The following STAG2 variants were observed in gnomAD, a reference collection of about 807,000 sequenced individuals.
STAG2 encodes cohesin subunit SA-2.
In STAG2, 14 loss-of-function variants were observed where a neutral mutation model predicts 108.1. The observed-to-expected ratio is 0.13, with a 90% CI of 0.09 to 0.20. The LOEUF (loss-of-function observed/expected upper bound fraction) is 0.20. Among genes scored for constraint, STAG2 ranks in the 10% least tolerant of loss-of-function variants. The pLI is 1.00. For missense variants in STAG2, 440 were observed against 940.9 expected (o/e 0.47, Z 6.96); for synonymous variants, 307 against 302.7 (o/e 1.01, Z -0.15).
chrX:124,062,873 T>C, intron 17 of STAG2, 29 bp from the exon 18 acceptor site: 1 of 1,142,550 alleles, frequency 8.8e-7, no homozygotes, highest in Non-Finnish European at 1.2e-6. Flanking sequence ...ATGGGCTTAA[T>C]AAATACAGAA....
chrX:124,032,990 A>G (rs1487093636), intron 5 of STAG2, among the ~76,000 whole-genome samples: 3 of 112,584 alleles, frequency 2.7e-5, no homozygotes, highest in African/African-American at 6.4e-5. Context: ...TACATGTAAA[A>G]TGTGAAAATA....
chrX:124,028,272 ATAG>A (rs1261687121), intron 4 of STAG2, among the ~76,000 whole-genome samples: 1 of 111,041 alleles, frequency 9.0e-6, no homozygotes, highest in Non-Finnish European at 1.9e-5. Context: ...GAAATTGCGG[ATAG>A]TACAGAACCT....
Position 124,063,994 on chromosome X carries a change from A to T in STAG2, c.1968A>T (p.Gln656His). 8.3e-7 allele frequency: 1 copy of T among 1,210,908 alleles called. No homozygotes were observed. Among genetic ancestry groups the T allele is most frequent in the Non-Finnish European group, 1.1e-6 (1 of 894,850 alleles). Reference sequence around the variant, plus strand: ...ACAGAGTAGATATTTCAAGAAGTCAACTGATAGATGAATTGGCAGATAAAT... The same window carrying T: ...ACAGAGTAGATATTTCAAGAAGTCATCTGATAGATGAATTGGCAGATAAAT... ...IFNRVDISRS[Q>H]LIDELADKFN... is the part of the protein sequence containing the mutation. The change falls in exon 20 of 35, where the codon CAA (glutamine) becomes CAT (histidine). Residue 656 changes from glutamine to histidine, a missense_variant. Physicochemically the swap from Gln to His is conservative, Grantham distance 24 (BLOSUM62 0). Around this residue, in one of 3 missense-constraint regions of STAG2, gnomAD observed 337 missense variants for 649.3 expected, o/e 0.52. Transcript: ENST00000371145.
At chrX:124,090,159 T>TAAAA (rs1157850952) in intron 30 of STAG2, among the ~76,000 whole-genome samples, 1 of 11,961 alleles carries the variant, frequency 8.4e-5, no homozygotes, top group Non-Finnish European at 1.4e-4. Context: ...AGACTCTGTC[T>TAAAA]CAAAAAAAAA....
chrX:123,973,572 C>T (rs564392580), intron 1 of STAG2, among the ~76,000 whole-genome samples: 31 of 96,693 alleles, frequency 3.2e-4, no homozygotes, highest in South Asian at 1.4e-3. Flanking sequence ...AGACTGGGCG[C>T]GGTGGCTCAC....
chrX:123,968,391 G>T (rs1249708373), intron 1 of STAG2, among the ~76,000 whole-genome samples: 5 of 112,229 alleles, frequency 4.5e-5, no homozygotes, highest in Non-Finnish European at 9.4e-5. Context: ...TGGGCGTGGT[G>T]ACTCACCCTC....
rs5956607 is a variant in STAG2 at position 124,064,453 on chromosome X, T to C, written c.2025+402T>C. On this transcript the variant is annotated intron_variant, in intron 20 of 34. Transcript: ENST00000371145. ...TAGGGAAGGACATTATGTTTTTTTTTTTTTTTTGGAGACGGAGTCTTTCTC... is the reference window on the plus strand; with the variant it reads ...TAGGGAAGGACATTATGTTTTTTTTCTTTTTTTGGAGACGGAGTCTTTCTC... Among the ~76,000 whole-genome samples the C allele has an allele frequency of 3.6e-3, 386 of 108,684 alleles. 1 individual carries two copies. Among genetic ancestry groups the C allele is most frequent in the African/African-American group, 0.012 (361 of 29,889 alleles). 94.4% of individuals were successfully genotyped at this position (108,684 alleles called of 115,157 possible).
chrX:124,020,743 T>A (rs750142812), intron 1 of STAG2, among the ~76,000 whole-genome samples: 17 of 112,065 alleles, frequency 1.5e-4, no homozygotes, highest in Admixed American at 4.7e-4. Context: ...AGAGTCTCGC[T>A]TTGTCACCCA....
chrX:123,982,734 CT>C (rs1220083705), intron 1 of STAG2, among the ~76,000 whole-genome samples: 1,627 of 54,981 alleles, frequency 0.03, 32 homozygotes, highest in African/African-American at 0.086. Context: ...ACACTTTAGT[CT>C]TTTTTTTTTT....
At chrX:123,998,102 C>T (rs2055834900) in intron 1 of STAG2, among the ~76,000 whole-genome samples, 1 of 109,449 alleles carries the variant, frequency 9.1e-6, no homozygotes, top group African/African-American at 3.3e-5. Flanking sequence ...TGAGTGCTTG[C>T]TTTGAATTCT....
At chrX:123,960,584 A>G (rs1368978155), upstream of STAG2, 1 of 89,397 alleles carries the variant, frequency 1.1e-5, no homozygotes, top group Non-Finnish European at 2.2e-5. Flanking sequence ...AACACCCCAA[A>G]CAATCCCGAA....
intron 1 of STAG2, among the ~76,000 whole-genome samples, chrX:124,008,994 A>G (rs1345170458): frequency 1.8e-5 from 2 of 111,770 alleles, no homozygotes; most frequent in Non-Finnish European, 3.8e-5. Flanking sequence ...CAAAGTTGCA[A>G]TAACTATGAA....
intron 6 of STAG2, among the ~76,000 whole-genome samples, chrX:124,041,152 A>G (rs748101777): frequency 3.6e-5 from 4 of 109,603 alleles, no homozygotes; most frequent in African/African-American, 1.3e-4. Context: ...CACCCGGCCA[A>G]GAGTGTGTTT....
At chrX:124,091,275 A>G (rs1003960118) in intron 32 of STAG2, among the ~76,000 whole-genome samples, 3 of 111,485 alleles carry the variant, frequency 2.7e-5, no homozygotes, top group Admixed American at 1.9e-4. Context: ...AACTTAGTTC[A>G]GGCCCTCATC....
intron 17 of STAG2, 133 bp from the exon 18 acceptor site, chrX:124,062,769 T>A (rs1396939925): frequency 4.4e-6 from 2 of 459,698 alleles, no homozygotes; most frequent in Middle Eastern, 4.3e-4. Context: ...AGGGTTAATG[T>A]TTTATAGTGA....
chrX:124,071,278 T>C lies in STAG2; in HGVS notation c.2488T>C (p.Leu830=), dbSNP rs761320044. The C allele has an allele frequency of 4.2e-5, 50 of 1,202,579 alleles. No individual in the cohort carries two copies. Among genetic ancestry groups the C allele is most frequent in the Non-Finnish European group, 5.5e-5 (49 of 892,682 alleles). The change falls in exon 25 of 35, where the codon TTG becomes CTG. Residue 830 remains leucine (L), a synonymous_variant. Coordinates refer to ENST00000371145, the MANE Select transcript of STAG2 (RefSeq NM_001042750.2). ...GCAGTCTGAGTTGCTCAGCTTTATT[T>C]TGGATCATGTCTTCATTGAACAGGA... ...SLQSELLSFI[L]DHVFIEQDDD... is the part of the protein sequence containing the mutation.
At chrX:123,967,196 T>G (rs1425202696) in intron 1 of STAG2, among the ~76,000 whole-genome samples, 1 of 109,408 alleles carries the variant, frequency 9.1e-6, no homozygotes, top group Non-Finnish European at 1.9e-5. Context: ...GAAGAGATTA[T>G]TGAAATTGTT....
chrX:124,048,194 T>A (rs1336840115), intron 9 of STAG2, among the ~76,000 whole-genome samples: 1 of 111,596 alleles, frequency 9.0e-6, no homozygotes, highest in Non-Finnish European at 1.9e-5. Context: ...GATCTTGAAT[T>A]TTTTTGGGGA....
At chrX:124,018,558 T>C (rs991618803) in intron 1 of STAG2, among the ~76,000 whole-genome samples, 9 of 110,783 alleles carry the variant, frequency 8.1e-5, no homozygotes, top group Non-Finnish European at 1.7e-4. Flanking sequence ...TGGAGTGCAA[T>C]GGTGTGATCA....
Sources: gnomAD v4.1 joint callset for allele counts (sites outside exome capture counted in the v4.1 genomes callset) on GRCh38, gnomAD v4.1.1 for gene constraint, gnomAD v4.1.1 regional missense constraint, MANE v1.5 for transcripts, NCBI Gene and HGNC (gene_info 2026-07-23, HGNC 2026-07-21) for gene names.